The following TANC1 variants were observed in gnomAD, a reference collection of about 807,000 sequenced individuals.
TANC1 encodes tetratricopeptide repeat, ankyrin repeat and coiled-coil containing 1, also known as protein TANC1.
Under a neutral mutation model 149.7 loss-of-function variants are expected in TANC1, and 77 were observed. The observed-to-expected ratio is 0.51, with a 90% CI of 0.43 to 0.62. TANC1 has a LOEUF of 0.62. Ranked by LOEUF, TANC1 falls within the 20% of genes least tolerant of loss-of-function variation. The pLI is 0.00. For synonymous variants in TANC1, 854 were observed against 925.0 expected (o/e 0.92, Z 1.39); for missense variants, 1,985 against 2,321.8 (o/e 0.85, Z 2.98).
chr2:159,069,195 C>G lies in TANC1; in HGVS notation c.61+3224C>G, dbSNP rs182417925. Among the ~76,000 whole-genome samples the G allele has an allele frequency of 8.5e-5, 13 of 152,272 alleles. No homozygotes were observed. The East Asian group carries it at 2.1e-3, about 25-fold the overall frequency. On this transcript the variant is annotated intron_variant, in intron 3 of 26. Coordinates refer to ENST00000263635, the MANE Select transcript of TANC1 (RefSeq NM_033394.3). Reference sequence around the variant, plus strand: ...AAGTGTTTTCAGAAGGCAATAGAGGCACGGTGGAGAATGTAATTTTTAAAA... The same window carrying G: ...AAGTGTTTTCAGAAGGCAATAGAGGGACGGTGGAGAATGTAATTTTTAAAA...
At chr2:159,131,926 A>G (rs894957870) in intron 4 of TANC1, among the ~76,000 whole-genome samples, 1 of 152,238 alleles carries the variant, frequency 6.6e-6, no homozygotes, top group Admixed American at 6.5e-5. Context: ...GACAAGTAGG[A>G]TGCATAAACG....
At chr2:159,056,851 T>C in intron 2 of TANC1, 1 of 334,200 alleles carries the variant, frequency 3.0e-6, no homozygotes, top group Non-Finnish European at 6.3e-6. Context: ...AGCCATTGGC[T>C]TCAATCATAG....
intron 19 of TANC1, among the ~76,000 whole-genome samples, chr2:159,214,742 G>A (rs2059238840): frequency 6.6e-6 from 1 of 152,184 alleles, no homozygotes; most frequent in Non-Finnish European, 1.5e-5. Context: ...GGGGAGCTGG[G>A]AATCAGCTCC....
chr2:159,127,783 G>C (rs528337967), intron 4 of TANC1, among the ~76,000 whole-genome samples: 15 of 152,350 alleles, frequency 9.8e-5, no homozygotes, highest in Admixed American at 3.3e-4. Flanking sequence ...GTGATGGGTT[G>C]ATAGGTGCAG....
At chr2:159,189,991 T>C (rs1175192486) in intron 16 of TANC1, among the ~76,000 whole-genome samples, 2 of 152,196 alleles carry the variant, frequency 1.3e-5, no homozygotes, top group Non-Finnish European at 2.9e-5. Flanking sequence ...AGAGGAAGTG[T>C]GAATTGATGA....
In TANC1 at chr2:159,150,728, T is replaced by C. The variant is rs2052699417; in HGVS notation, c.682+172T>C. On this transcript the variant is annotated intron_variant, in intron 7 of 26. Coordinates refer to ENST00000263635, the MANE Select transcript of TANC1 (RefSeq NM_033394.3). ...ATGTGTAGCTGAGAGAGTGGAGCAT[T>C]GGCTTTTACATTCCTTGATGTTTAC... 5.6e-5 allele frequency: 32 copies of C among 575,864 alleles called. No homozygotes were observed. In the South Asian group the frequency reaches 7.1e-4, roughly 13 times the overall value. The allele number at this position is 575,864 out of a possible 1,614,324, so 35.7% of individuals were successfully genotyped here. A position where few individuals can be genotyped will look rare whatever the true frequency, so the allele number is the denominator to read the frequency against.
intron 2 of TANC1, among the ~76,000 whole-genome samples, chr2:159,012,767 A>C (rs1341783820): frequency 6.6e-6 from 1 of 152,218 alleles, no homozygotes; most frequent in African/African-American, 2.4e-5. Flanking sequence ...TGTGGTTAAA[A>C]ATAAAATGAC....
At chr2:159,219,520 A>T in intron 21 of TANC1, 159 bp downstream of exon 21, 1 of 1,225,236 alleles carries the variant, frequency 8.2e-7, no homozygotes, top group Non-Finnish European at 1.2e-6. Flanking sequence ...CATGCCTGGT[A>T]TTCCTCTTCA....
intron 3 of TANC1, among the ~76,000 whole-genome samples, chr2:159,086,295 T>C (rs1251470491): frequency 6.6e-6 from 1 of 152,164 alleles, no homozygotes; most frequent in Non-Finnish European, 1.5e-5. Context: ...GAGGCTCCTT[T>C]TAAGTGCTTT....
At chr2:159,227,402 C>T (rs1258397326) in intron 24 of TANC1, 1 of 167,034 alleles carries the variant, frequency 6.0e-6, no homozygotes, top group Non-Finnish European at 1.3e-5. Context: ...GGTTTATCTA[C>T]AAGATGCTAC....
At chr2:159,146,577 G>C (rs1490963314) in intron 5 of TANC1, among the ~76,000 whole-genome samples, 1 of 115,452 alleles carries the variant, frequency 8.7e-6, no homozygotes, top group African/African-American at 3.4e-5. Context: ...ATGTTGCTCT[G>C]TTGCCAAGGC....
chr2:159,145,936 G>A (rs962648644), intron 5 of TANC1, among the ~76,000 whole-genome samples: 1 of 152,184 alleles, frequency 6.6e-6, no homozygotes, highest in Non-Finnish European at 1.5e-5. Flanking sequence ...ATTGGGTAAT[G>A]TACACCCATT....
chr2:159,165,799 A>T (rs187654083), intron 8 of TANC1, among the ~76,000 whole-genome samples: 4 of 152,332 alleles, frequency 2.6e-5, no homozygotes, highest in African/African-American at 9.6e-5. Context: ...GCATATGAGG[A>T]TTGGCAGGTA....
At chr2:158,984,413 A>G (rs2034776785) in intron 1 of TANC1, among the ~76,000 whole-genome samples, 1 of 152,242 alleles carries the variant, frequency 6.6e-6, no homozygotes, top group South Asian at 2.1e-4. Context: ...GAGTGGTGTT[A>G]GCCAACTCAA....
At chr2:159,049,890 ATAAAG>A (rs2149584397) in intron 2 of TANC1, among the ~76,000 whole-genome samples, 1 of 152,298 alleles carries the variant, frequency 6.6e-6, no homozygotes, top group South Asian at 2.1e-4. Context: ...CAAGTTGGAA[ATAAAG>A]TAGTGTAACT....
chr2:159,172,298 C>T (rs765583298), intron 11 of TANC1, 26 bp downstream of exon 11: 2 of 1,607,440 alleles, frequency 1.2e-6, no homozygotes, highest in Admixed American at 1.7e-5. Context: ...TTATTGGAGC[C>T]TTCCACATAG....
intron 5 of TANC1, among the ~76,000 whole-genome samples, chr2:159,142,405 T>C (rs2051478877): frequency 6.6e-6 from 1 of 152,292 alleles, no homozygotes; most frequent in African/African-American, 2.4e-5. Flanking sequence ...AGGCACTGGC[T>C]ACACTGGTAG....
chr2:159,037,939 C>G (rs2040332605), intron 2 of TANC1, among the ~76,000 whole-genome samples: 2 of 152,148 alleles, frequency 1.3e-5, no homozygotes, highest in Admixed American at 6.5e-5. Flanking sequence ...TATAAATTAC[C>G]TTGGGCAGTA....
At chr2:159,207,062 C>T (rs2058656666) in intron 19 of TANC1, among the ~76,000 whole-genome samples, 1 of 152,208 alleles carries the variant, frequency 6.6e-6, no homozygotes, top group Admixed American at 6.5e-5. Flanking sequence ...ATTTATAGCA[C>T]ACACATTATT....
Sources: gnomAD v4.1 joint callset for allele counts (sites outside exome capture counted in the v4.1 genomes callset) on GRCh38, gnomAD v4.1.1 for gene constraint, MANE v1.5 for transcripts, NCBI Gene and HGNC (gene_info 2026-07-23, HGNC 2026-07-21) for gene names.